BAZ1A: variants seen among roughly 807,000 people sequenced by gnomAD.
BAZ1A encodes the protein bromodomain adjacent to zinc finger domain protein 1A.
A neutral mutation model predicts 185.2 loss-of-function variants in BAZ1A; 50 were observed. The observed-to-expected ratio is 0.27, with a 90% CI of 0.22 to 0.34. BAZ1A has a LOEUF of 0.34. Ranked by LOEUF, BAZ1A falls within the 10% of genes least tolerant of loss-of-function variation. The pLI, the probability that BAZ1A is intolerant of heterozygous loss-of-function variation, is 1.00. For missense variants in BAZ1A, 1,356 were observed against 1,839.9 expected, an observed-to-expected ratio of 0.74 and a Z score of 4.81; for synonymous variants, 571 against 615.6, an observed-to-expected ratio of 0.93 and a Z score of 1.07.
At chr14:34,782,734 G>T (rs1397849484) in intron 16 of BAZ1A, among the ~76,000 whole-genome samples, 1 of 152,116 alleles carries the variant, frequency 6.6e-6, no homozygotes, top group Non-Finnish European at 1.5e-5. Flanking sequence ...GATGATTTCT[G>T]TCAAATTCCT....
intron 3 of BAZ1A, among the ~76,000 whole-genome samples, chr14:34,838,221 T>A (rs1319936528): frequency 6.6e-6 from 1 of 152,230 alleles, no homozygotes. Context: ...CAAATCCTGC[T>A]GTTAAGGAAA....
At chr14:34,797,558 CA>C (rs547091346) in intron 9 of BAZ1A, among the ~76,000 whole-genome samples, 56 of 147,328 alleles carry the variant, frequency 3.8e-4, no homozygotes, top group Non-Finnish European at 5.6e-4. Flanking sequence ...CACTCCATCT[CA>C]AAAAAAAAAG....
At chr14:34,758,585 AAC>A in intron 25 of BAZ1A, 117 bp downstream of exon 25, 1 of 1,058,482 alleles carries the variant, frequency 9.4e-7, no homozygotes, top group Admixed American at 2.8e-5. Flanking sequence ...CTCAGGAAAA[AAC>A]AACAACAACA....
At chr14:34,764,665 A>T (rs554361323) in intron 23 of BAZ1A, 42 bp downstream of exon 23, 3 of 1,556,582 alleles carry the variant, frequency 1.9e-6, no homozygotes, top group African/African-American at 2.7e-5. Flanking sequence ...AAATTGTCTA[A>T]CTAAGACTTA....
At chr14:34,834,314 G>A (rs1390112553) in intron 3 of BAZ1A, among the ~76,000 whole-genome samples, 1 of 152,168 alleles carries the variant, frequency 6.6e-6, no homozygotes, top group Non-Finnish European at 1.5e-5. Flanking sequence ...TGCCCCTTAA[G>A]TGGTAACAGT....
intron 3 of BAZ1A, among the ~76,000 whole-genome samples, chr14:34,842,166 T>C (rs1292845690): frequency 6.6e-6 from 1 of 152,144 alleles, no homozygotes; most frequent in Non-Finnish European, 1.5e-5. Context: ...TTTGCCTGTG[T>C]GTACTTTAAA....
At chr14:34,832,763 C>A (rs2042268643) in intron 3 of BAZ1A, among the ~76,000 whole-genome samples, 1 of 151,982 alleles carries the variant, frequency 6.6e-6, no homozygotes, top group African/African-American at 2.4e-5. Flanking sequence ...TTTGGCAATT[C>A]CTCAAAAAAT....
At chr14:34,850,633 C>G (rs970647634) in intron 3 of BAZ1A, among the ~76,000 whole-genome samples, 4 of 152,130 alleles carry the variant, frequency 2.6e-5, no homozygotes, top group African/African-American at 9.7e-5. Context: ...TGTACGCTAG[C>G]TAAATAGAAG....
At chr14:34,774,932 T>A (rs1194362110) in intron 18 of BAZ1A, among the ~76,000 whole-genome samples, 1 of 152,128 alleles carries the variant, frequency 6.6e-6, no homozygotes, top group Non-Finnish European at 1.5e-5. Context: ...TGCTCAACAT[T>A]GGCGGGGGGT....
intron 20 of BAZ1A, 78 bp downstream of exon 20, chr14:34,773,494 C>T (rs3818801): frequency 0.24 from 293,398 of 1,244,462 alleles, 36,421 homozygotes; most frequent in Admixed American, 0.4. Flanking sequence ...AACATATTTA[C>T]TTAAAAACCA....
intron 3 of BAZ1A, among the ~76,000 whole-genome samples, chr14:34,836,311 G>A (rs1594889129): frequency 3.2e-5 from 1 of 31,658 alleles, no homozygotes; most frequent in Admixed American, 3.9e-4. Flanking sequence ...CCCGGGAGGC[G>A]GAGCTTGCAG....
chr14:34,841,416 A>C (rs1010784050), intron 3 of BAZ1A, among the ~76,000 whole-genome samples: 2 of 152,006 alleles, frequency 1.3e-5, no homozygotes, highest in African/African-American at 4.8e-5. Flanking sequence ...TTTTGGAGAC[A>C]GTCTCGCTTT....
At chr14:34,756,464 CTATTTTTTT>C (rs1461620933) in intron 25 of BAZ1A, among the ~76,000 whole-genome samples, 14 of 107,168 alleles carry the variant, frequency 1.3e-4, no homozygotes, top group Non-Finnish European at 2.2e-4. Flanking sequence ...GCCAGAATAC[CTATTTTTTT>C]TTTTTTTTTT....
Position 34,838,586 on chromosome 14 carries a change from A to G in BAZ1A, c.393-12430T>C, listed in dbSNP as rs905356699. 2.0e-5 allele frequency among the ~76,000 whole-genome samples: 3 copies of G among 151,800 alleles called. 1 individual carries two copies. The highest frequency in any genetic ancestry group is 4.2e-4 in the South Asian group (2 of 4,790). On this transcript the variant is annotated intron_variant, in intron 3 of 26. Coordinates refer to ENST00000360310, the MANE Select transcript of BAZ1A (RefSeq NM_013448.3). The stretch of plus-strand genomic sequence containing the variant: ...ACCCAGGCTGGAGTTCAGTGGCGCA[A>G]TCTCGGCTCACTGCAACCTCCTCCG...
chr14:34,781,388 C>T (rs530504485), intron 16 of BAZ1A, among the ~76,000 whole-genome samples: 7 of 152,316 alleles, frequency 4.6e-5, no homozygotes, highest in African/African-American at 1.7e-4. Context: ...AAAGGAAACA[C>T]CATATCCATT....
chr14:34,764,577 C>T (rs1878693426), intron 23 of BAZ1A, 130 bp downstream of exon 23: 4 of 1,272,542 alleles, frequency 3.1e-6, no homozygotes, highest in South Asian at 3.0e-5. Context: ...TAGGCATAAG[C>T]TACCGTGTCC....
Position 34,874,338 on chromosome 14 carries a change from G to A in BAZ1A, c.113+154C>T. On this transcript the variant is annotated intron_variant, in intron 2 of 26. Coordinates refer to ENST00000360310, the MANE Select transcript of BAZ1A (RefSeq NM_013448.3). The surrounding 1 kb of genome is among the most constrained non-coding windows in gnomAD (Gnocchi z 4.7). ...TGGCCCCGCGCGTTCTCCAGGTGGAGGCCAGGAGGCAGAGAACCGCGGGCC... is the reference window on the plus strand; with the variant it reads ...TGGCCCCGCGCGTTCTCCAGGTGGAAGCCAGGAGGCAGAGAACCGCGGGCC... 1 of 694,886 alleles carries A rather than the reference G, an allele frequency of 1.4e-6. No individual in the cohort carries two copies. The highest frequency in any genetic ancestry group is 3.1e-5 in the East Asian group (1 of 32,754). The allele number at this position is 694,886 out of a possible 1,614,324, so 43.0% of individuals were successfully genotyped here.
intron 2 of BAZ1A, among the ~76,000 whole-genome samples, chr14:34,873,480 G>T (rs930163425): frequency 6.6e-6 from 1 of 152,198 alleles, no homozygotes; most frequent in Non-Finnish European, 1.5e-5. Flanking sequence ...GCGACGGGCT[G>T]AAAATGTAGG....
intron 3 of BAZ1A, among the ~76,000 whole-genome samples, chr14:34,844,503 G>T (rs1594896022): frequency 1.3e-5 from 2 of 152,150 alleles, no homozygotes; most frequent in Middle Eastern, 3.4e-3. Flanking sequence ...TTGGCTGGAC[G>T]TAGTGGCTCA....
Sources: gnomAD v4.1 joint callset for allele counts (sites outside exome capture counted in the v4.1 genomes callset) on GRCh38, gnomAD v4.1.1 for gene constraint, Gnocchi (gnomAD v3.1) non-coding constraint, MANE v1.5 for transcripts, NCBI Gene and HGNC (gene_info 2026-07-23, HGNC 2026-07-21) for gene names.